The following APLF variants were observed in gnomAD, a reference collection of about 807,000 sequenced individuals.
APLF encodes the protein aprataxin and PNKP like factor.
In APLF, 61 loss-of-function variants were observed where a neutral mutation model predicts 55.6. The observed-to-expected ratio is 1.10, with a 90% CI of 0.89 to 1.36. APLF has a LOEUF of 1.36. APLF is among the 40% of genes most tolerant of loss of function. APLF has a pLI of 0.00. For missense variants in APLF, 611 were observed against 602.5 expected (o/e 1.01, Z -0.15); for synonymous variants, 207 against 214.8 (o/e 0.96, Z 0.32).
At chr2:68,552,751 A>C (rs1332573972) in intron 8 of APLF, among the ~76,000 whole-genome samples, 1 of 152,152 alleles carries the variant, frequency 6.6e-6, no homozygotes, top group Non-Finnish European at 1.5e-5. Context: ...AATAGGTCAG[A>C]GAAGGGGCTA....
chr2:68,528,872 G>A lies in APLF; in HGVS notation c.804+2630G>A, dbSNP rs1052344174. ...GGGCCTGGGATTGTACCAGGAGGAAGTGAGGTTTCCCTGAGTCTCCAGGGG... is the reference window on the plus strand; with the variant it reads ...GGGCCTGGGATTGTACCAGGAGGAAATGAGGTTTCCCTGAGTCTCCAGGGG... On this transcript the variant is annotated intron_variant, in intron 6 of 9. Coordinates refer to ENST00000303795, the MANE Select transcript of APLF (RefSeq NM_173545.3). 200 of 1,523,098 alleles carry A rather than the reference G, an allele frequency of 1.3e-4. 1 individual carries two copies. The highest frequency in any genetic ancestry group is 1.7e-4 in the Non-Finnish European group (193 of 1,136,816). The allele number at this position is 1,523,098 out of a possible 1,614,324, so 94.3% of individuals were successfully genotyped here. A position where few individuals can be genotyped will look rare whatever the true frequency, so the allele number is the denominator to read the frequency against.
At chr2:68,539,685 G>A (rs1186190877) in intron 7 of APLF, among the ~76,000 whole-genome samples, 3 of 152,102 alleles carry the variant, frequency 2.0e-5, no homozygotes, top group Non-Finnish European at 4.4e-5. Flanking sequence ...AAAGTCATAT[G>A]ATAAAATTCA....
chr2:68,567,210 A>G (rs1454910692), intron 8 of APLF, 131 bp from the exon 9 acceptor site: 25 of 684,928 alleles, frequency 3.7e-5, no homozygotes, highest in Non-Finnish European at 4.7e-5. Context: ...TAAACAACAA[A>G]TGCTTTTTCA....
At chr2:68,558,368 CTTG>C (rs1223093365) in intron 8 of APLF, among the ~76,000 whole-genome samples, 6 of 152,006 alleles carry the variant, frequency 3.9e-5, no homozygotes, top group Non-Finnish European at 7.4e-5. Flanking sequence ...TGCTGGTTTA[CTTG>C]TTTTTTATTT....
chr2:68,512,526 AT>A (rs2103951522), intron 3 of APLF, among the ~76,000 whole-genome samples: 1 of 151,924 alleles, frequency 6.6e-6, no homozygotes, highest in Admixed American at 6.6e-5. Flanking sequence ...GTATGAGGTA[AT>A]TGGTTCTGCT....
chr2:68,542,489 GA>G (rs1480548570), intron 7 of APLF, among the ~76,000 whole-genome samples: 1 of 152,072 alleles, frequency 6.6e-6, no homozygotes, highest in Non-Finnish European at 1.5e-5. Flanking sequence ...ATTGGGGACA[GA>G]ACTTAAATAG....
chr2:68,553,471 G>A (rs1670920264), intron 8 of APLF, among the ~76,000 whole-genome samples: 1 of 151,992 alleles, frequency 6.6e-6, no homozygotes, highest in Non-Finnish European at 1.5e-5. Flanking sequence ...GGGTATATTT[G>A]TGAAGTATAT....
chr2:68,559,847 G>C (rs1671119316), intron 8 of APLF, among the ~76,000 whole-genome samples: 1 of 152,050 alleles, frequency 6.6e-6, no homozygotes, highest in Non-Finnish European at 1.5e-5. Flanking sequence ...TCGTTTCATG[G>C]TATCTTCTTA....
intron 2 of APLF, among the ~76,000 whole-genome samples, chr2:68,493,945 A>G (rs894582252): frequency 2.6e-5 from 4 of 152,004 alleles, no homozygotes; most frequent in Non-Finnish European, 5.9e-5. Context: ...CGTCTCTACT[A>G]AAAATACAAG....
At chr2:68,507,960 A>G (rs566451914) in intron 3 of APLF, among the ~76,000 whole-genome samples, 100 of 151,956 alleles carry the variant, frequency 6.6e-4, no homozygotes, top group African/African-American at 2.3e-3. Context: ...GATATTGAAG[A>G]AACAATAAAA....
intron 5 of APLF, among the ~76,000 whole-genome samples, chr2:68,519,030 T>TTATTAATATATAA (rs1669798902): frequency 8.0e-6 from 1 of 124,666 alleles, no homozygotes. Flanking sequence ...ATATAATATA[T>TTATTAATATATAA]GATTAATATA....
At chr2:68,493,592 C>T (rs1158163733) in intron 2 of APLF, among the ~76,000 whole-genome samples, 1 of 152,128 alleles carries the variant, frequency 6.6e-6, no homozygotes, top group Non-Finnish European at 1.5e-5. Flanking sequence ...ATATTTGAAA[C>T]ACATGTAATT....
chr2:68,512,946 A>G, intron 3 of APLF, 134 bp from the exon 4 acceptor site: 1 of 642,832 alleles, frequency 1.6e-6, no homozygotes, highest in Non-Finnish European at 2.6e-6. Context: ...TAGTCTATAT[A>G]TTCTAGTATA....
At chr2:68,522,794 C>T (rs530188545) in intron 5 of APLF, among the ~76,000 whole-genome samples, 10 of 151,860 alleles carry the variant, frequency 6.6e-5, no homozygotes, top group Non-Finnish European at 1.3e-4. Context: ...AGAAAATTGG[C>T]TTTCCATTTT....
intron 7 of APLF, among the ~76,000 whole-genome samples, chr2:68,542,137 A>G (rs1430800793): frequency 1.4e-5 from 2 of 148,070 alleles, no homozygotes; most frequent in African/African-American, 2.7e-5. Flanking sequence ...TTTTCAAAAT[A>G]TAACTTAAAA....
intron 2 of APLF, among the ~76,000 whole-genome samples, chr2:68,492,433 G>A (rs1262654368): frequency 1.3e-5 from 2 of 152,136 alleles, no homozygotes; most frequent in Non-Finnish European, 2.9e-5. Context: ...AGCCGAGATT[G>A]TGCCACTGCA....
intron 5 of APLF, among the ~76,000 whole-genome samples, chr2:68,524,040 A>G (rs947179416): frequency 6.6e-6 from 1 of 152,082 alleles, no homozygotes; most frequent in Admixed American, 6.6e-5. Context: ...CTTGGAATAT[A>G]TAAACTACCA....
chr2:68,499,289 A>G, intron 2 of APLF, among the ~76,000 whole-genome samples: 1 of 152,212 alleles, frequency 6.6e-6, no homozygotes, highest in East Asian at 1.9e-4. Flanking sequence ...AGGTAGTTAT[A>G]TCTTTTAATC....
At chr2:68,553,380 TA>T (rs1231007932) in intron 8 of APLF, among the ~76,000 whole-genome samples, 1 of 152,148 alleles carries the variant, frequency 6.6e-6, no homozygotes, top group Non-Finnish European at 1.5e-5. Flanking sequence ...TTGCTGAAAC[TA>T]AACCAATGTT....
Sources: gnomAD v4.1 joint callset for allele counts (sites outside exome capture counted in the v4.1 genomes callset) on GRCh38, gnomAD v4.1.1 for gene constraint, MANE v1.5 for transcripts, NCBI Gene and HGNC (gene_info 2026-07-23, HGNC 2026-07-21) for gene names.